The following DAPP1 variants were observed in gnomAD, a reference collection of about 807,000 sequenced individuals.
DAPP1 encodes dual adaptor of phosphotyrosine and 3-phosphoinositides 1, also known as dual adapter for phosphotyrosine and 3-phosphotyrosine and 3-phosphoinositide.
In DAPP1, 20 loss-of-function variants were observed where a neutral mutation model predicts 41.5. The observed-to-expected ratio is 0.48, with a 90% CI of 0.34 to 0.70. The LOEUF is 0.70. DAPP1 is among the 30% of genes least tolerant of loss of function. DAPP1 has a pLI of 0.01. For missense variants in DAPP1, 233 were observed against 333.4 expected, an observed-to-expected ratio of 0.70 and a Z score of 2.35; for synonymous variants, 113 against 116.2, an observed-to-expected ratio of 0.97 and a Z score of 0.18.
In DAPP1 at chr4:99,859,182, C is replaced by T. The variant is rs1724153506; in HGVS notation, c.490-2396C>T. ...GCTCATGCTTCAGCCTCCCAAAGTG[C>T]TGGGATTATAGTTGTGAGCCTCCGT... is the stretch of plus-strand genomic sequence containing the variant. On this transcript the variant is annotated intron_variant, in intron 4 of 8. Transcript: ENST00000512369. Among the ~76,000 whole-genome samples, 4 of 152,198 alleles carry T rather than the reference C, an allele frequency of 2.6e-5. No individual in the cohort carries two copies. The South Asian group carries it at 8.3e-4, about 32-fold the overall frequency.
intron 7 of DAPP1, 48 bp from the exon 8 acceptor site, chr4:99,865,986 A>ATG: frequency 4.0e-6 from 1 of 249,304 alleles, no homozygotes; most frequent in Non-Finnish European, 8.0e-6. Flanking sequence ...ATATATATAT[A>ATG]TAGCTAATGA....
chr4:99,822,487 A>G (rs1722806926), intron 1 of DAPP1, among the ~76,000 whole-genome samples: 1 of 152,098 alleles, frequency 6.6e-6, no homozygotes, highest in African/African-American at 2.4e-5. Context: ...ATGGCCTTGG[A>G]GCTGATATGA....
chr4:99,826,997 G>A (rs1722956739), intron 1 of DAPP1, among the ~76,000 whole-genome samples: 1 of 152,058 alleles, frequency 6.6e-6, no homozygotes, highest in South Asian at 2.1e-4. Context: ...ACTTTGCTTT[G>A]CCCTTCTCTT....
At position 99,818,772 on chromosome 4, in the gene DAPP1, G is replaced by A. The variant is rs118186143; in HGVS notation, c.101+1758G>A. On this transcript the variant is annotated intron_variant, in intron 1 of 8. Transcript: ENST00000512369. ...AATAAACATGAGGATGATTTCTATA[G>A]CAATGGGCAACCTGCAGTTATCTGG... Among the ~76,000 whole-genome samples the A allele has an allele frequency of 3.8e-3, 586 of 152,230 alleles. 18 individuals are homozygous for A. The highest frequency in any genetic ancestry group is 5.0e-3 in the East Asian group (26 of 5,182).
chr4:99,858,237 G>T (rs60994806), intron 4 of DAPP1, among the ~76,000 whole-genome samples: 9,998 of 152,282 alleles, frequency 0.066, 419 homozygotes, highest in East Asian at 0.24. Flanking sequence ...GTCTCTGGAA[G>T]ATTCTTCACT....
intron 1 of DAPP1, among the ~76,000 whole-genome samples, chr4:99,818,342 G>A (rs1722659497): frequency 6.6e-6 from 1 of 152,154 alleles, no homozygotes; most frequent in Non-Finnish European, 1.5e-5. Context: ...CTGAACTGTG[G>A]CCCTCAGTGT....
chr4:99,829,943 G>T (rs562344718), intron 1 of DAPP1, among the ~76,000 whole-genome samples: 1 of 152,040 alleles, frequency 6.6e-6, no homozygotes, highest in Non-Finnish European at 1.5e-5. Context: ...TGTAATTTGC[G>T]ATTTCTCATT....
At chr4:99,836,823 A>G (rs1467290932) in intron 2 of DAPP1, among the ~76,000 whole-genome samples, 4 of 152,218 alleles carry the variant, frequency 2.6e-5, no homozygotes, top group African/African-American at 7.2e-5. Context: ...TTCTGGCTGG[A>G]TTCTCTGTCC....
intron 1 of DAPP1, among the ~76,000 whole-genome samples, chr4:99,826,913 A>G (rs1722954577): frequency 6.6e-6 from 1 of 152,178 alleles, no homozygotes; most frequent in Non-Finnish European, 1.5e-5. Context: ...GATAGCAGCT[A>G]TTTGGTGATT....
intron 8 of DAPP1, among the ~76,000 whole-genome samples, chr4:99,867,754 AT>A: frequency 6.6e-6 from 1 of 152,340 alleles, no homozygotes; most frequent in African/African-American, 2.4e-5. Context: ...CCAGTGTTCT[AT>A]ATTTGCTCAC....
intron 3 of DAPP1, among the ~76,000 whole-genome samples, chr4:99,848,676 A>G (rs1458530516): frequency 6.6e-6 from 1 of 152,174 alleles, no homozygotes; most frequent in East Asian, 1.9e-4. Context: ...GTCTTGATTC[A>G]TCTCTGATCG....
intron 8 of DAPP1, 83 bp downstream of exon 8, chr4:99,866,204 A>G: frequency 1.3e-6 from 1 of 773,336 alleles, no homozygotes; most frequent in Non-Finnish European, 2.2e-6. Context: ...CAAAAGAGTC[A>G]GACTAGACCC....
intron 2 of DAPP1, among the ~76,000 whole-genome samples, chr4:99,839,001 GA>G (rs1163032152): frequency 6.6e-6 from 1 of 152,186 alleles, no homozygotes; most frequent in Non-Finnish European, 1.5e-5. Flanking sequence ...GAGACAAAGA[GA>G]AAGACCGTTT....
At chr4:99,845,830 A>T (rs1035272167) in intron 3 of DAPP1, among the ~76,000 whole-genome samples, 1 of 152,268 alleles carries the variant, frequency 6.6e-6, no homozygotes, top group African/African-American at 2.4e-5. Context: ...TTCAGCAAGG[A>T]TATCAAACAG....
At chr4:99,857,439 T>G (rs1181491828) in intron 4 of DAPP1, among the ~76,000 whole-genome samples, 1 of 152,196 alleles carries the variant, frequency 6.6e-6, no homozygotes, top group African/African-American at 2.4e-5. Flanking sequence ...TCTAAAATGT[T>G]AGTTTCCTTA....
chr4:99,823,100 G>A (rs1722826710), intron 1 of DAPP1, among the ~76,000 whole-genome samples: 1 of 152,168 alleles, frequency 6.6e-6, no homozygotes, highest in African/African-American at 2.4e-5. Flanking sequence ...TTTGAGAGAT[G>A]CATGTTGAAT....
chr4:99,865,987 T>G lies in DAPP1; in HGVS notation c.687-47T>G, dbSNP rs539552445. 28 of 257,834 alleles carry G rather than the reference T, an allele frequency of 1.1e-4. No homozygotes were observed. In the South Asian group the frequency reaches 1.3e-3, roughly 12 times the overall value. 16.0% of individuals were successfully genotyped at this position (257,834 alleles called of 1,614,324 possible). ...TATATTATATATATATATATATATATAGCTAATGATCTGCAATATCTTATG... is the reference window on the plus strand; with the variant it reads ...TATATTATATATATATATATATATAGAGCTAATGATCTGCAATATCTTATG... On this transcript the variant is annotated intron_variant, in intron 7 of 8. Coordinates refer to ENST00000512369, the MANE Select transcript of DAPP1 (RefSeq NM_014395.3).
At chr4:99,820,976 C>T (rs1020547174) in intron 1 of DAPP1, among the ~76,000 whole-genome samples, 5 of 152,076 alleles carry the variant, frequency 3.3e-5, no homozygotes, top group African/African-American at 7.2e-5. Flanking sequence ...TGCTGACCCA[C>T]GGAATAAATG....
chr4:99,850,834 A>G (rs899799975), intron 3 of DAPP1, among the ~76,000 whole-genome samples: 1 of 138,612 alleles, frequency 7.2e-6, no homozygotes, highest in Non-Finnish European at 1.6e-5. Flanking sequence ...TCAAAGAATA[A>G]TAATATCTAA....
Sources: allele counts gnomAD v4.1 joint callset (sites outside exome capture counted in the v4.1 genomes callset), GRCh38; gene constraint gnomAD v4.1.1; transcripts MANE v1.5; gene names NCBI Gene and HGNC (gene_info 2026-07-23, HGNC 2026-07-21).